The following OSBPL1A variants were observed in gnomAD, a reference collection of about 807,000 sequenced individuals.
The protein encoded by OSBPL1A is oxysterol-binding protein-related protein 1.
In OSBPL1A, 80 loss-of-function variants were observed where a neutral mutation model predicts 137.1. The ratio of observed to expected loss-of-function variants is 0.58; its 90% CI spans 0.49 to 0.70. The LOEUF (loss-of-function observed/expected upper bound fraction) is 0.70, where lower values mean the gene tolerates loss of function less well. Among genes scored for constraint, OSBPL1A ranks in the 30% least tolerant of loss-of-function variants. OSBPL1A has a pLI of 0.00. For synonymous variants in OSBPL1A, 365 were observed against 389.7 expected (o/e 0.94, Z 0.75); for missense variants, 970 against 1,129.4 (o/e 0.86, Z 2.02).
chr18:24,385,983 A>C (rs1027323318), intron 1 of OSBPL1A, among the ~76,000 whole-genome samples: 1 of 152,176 alleles, frequency 6.6e-6, no homozygotes, highest in African/African-American at 2.4e-5. Context: ...AAAGCACTGC[A>C]CCAAGGCTGG....
intron 14 of OSBPL1A, 39 bp downstream of exon 14, chr18:24,303,598 G>A (rs768575269): frequency 1.3e-6 from 2 of 1,531,240 alleles, no homozygotes; most frequent in East Asian, 2.3e-5. Context: ...GTATCTATGT[G>A]TTAAAGAGTG....
intron 1 of OSBPL1A, among the ~76,000 whole-genome samples, chr18:24,388,664 G>C (rs544080079): frequency 6.6e-6 from 1 of 151,980 alleles, no homozygotes; most frequent in East Asian, 1.9e-4. Context: ...GCCAGGCGTG[G>C]TGATGGGCAC....
chr18:24,275,672 C>T (rs1264867437), intron 15 of OSBPL1A, among the ~76,000 whole-genome samples: 2 of 151,962 alleles, frequency 1.3e-5, no homozygotes, highest in Non-Finnish European at 2.9e-5. Flanking sequence ...ACCCTTCAGA[C>T]GGTTCCAATG....
intron 14 of OSBPL1A, among the ~76,000 whole-genome samples, chr18:24,295,697 A>G (rs1705420759): frequency 6.6e-6 from 1 of 152,202 alleles, no homozygotes; most frequent in African/African-American, 2.4e-5. Flanking sequence ...TAAACTGAAT[A>G]GGCTGTCCTT....
intron 17 of OSBPL1A, among the ~76,000 whole-genome samples, chr18:24,204,036 T>C (rs1257151539): frequency 6.6e-6 from 1 of 152,252 alleles, no homozygotes. Context: ...GATGCCTTCA[T>C]TTTAATGGGG....
At chr18:24,183,586 C>A (rs748011270) in intron 18 of OSBPL1A, among the ~76,000 whole-genome samples, 2 of 151,710 alleles carry the variant, frequency 1.3e-5, no homozygotes, top group Non-Finnish European at 2.9e-5. Flanking sequence ...GCGTGCAGCA[C>A]CATGCCTGGC....
intron 18 of OSBPL1A, among the ~76,000 whole-genome samples, chr18:24,185,079 G>A (rs1458991132): frequency 6.6e-5 from 10 of 152,200 alleles, no homozygotes; most frequent in Non-Finnish European, 1.0e-4. Context: ...AAGTCGATAT[G>A]ATTCCAACTG....
chr18:24,253,160 G>T, intron 15 of OSBPL1A, among the ~76,000 whole-genome samples: 1 of 45,964 alleles, frequency 2.2e-5, no homozygotes, highest in East Asian at 1.0e-3. Flanking sequence ...CCAATGAAAA[G>T]ACATGGCGGG....
At chr18:24,315,780 A>AT (rs2090715857) in intron 11 of OSBPL1A, among the ~76,000 whole-genome samples, 1 of 114,794 alleles carries the variant, frequency 8.7e-6, no homozygotes, top group Non-Finnish European at 1.6e-5. Flanking sequence ...ATATAATAAA[A>AT]AATATAATAT....
intron 13 of OSBPL1A, among the ~76,000 whole-genome samples, chr18:24,308,072 T>C (rs1248324062): frequency 6.6e-6 from 1 of 151,954 alleles, no homozygotes; most frequent in Non-Finnish European, 1.5e-5. Flanking sequence ...AAAAGCTTTA[T>C]CTTATTTTCT....
intron 1 of OSBPL1A, among the ~76,000 whole-genome samples, chr18:24,391,802 A>C (rs538409498): frequency 1.3e-5 from 2 of 152,322 alleles, no homozygotes; most frequent in South Asian, 4.1e-4. Flanking sequence ...ACATTTTATC[A>C]CACACAAAAA....
At chr18:24,309,128 T>C (rs2090566051) in intron 13 of OSBPL1A, among the ~76,000 whole-genome samples, 1 of 152,190 alleles carries the variant, frequency 6.6e-6, no homozygotes, top group Non-Finnish European at 1.5e-5. Context: ...CATGTGTAAA[T>C]AGCCACAGGA....
intron 15 of OSBPL1A, among the ~76,000 whole-genome samples, chr18:24,269,007 T>C (rs1231303358): frequency 2.0e-5 from 3 of 152,212 alleles, no homozygotes; most frequent in Admixed American, 6.5e-5. Flanking sequence ...GTGTCACCTA[T>C]GGCTCCACCT....
intron 14 of OSBPL1A, among the ~76,000 whole-genome samples, chr18:24,288,928 C>T (rs1234220854): frequency 6.6e-6 from 1 of 152,148 alleles, no homozygotes; most frequent in Non-Finnish European, 1.5e-5. Context: ...AGCCTGAACA[C>T]ACCCAATCTC....
At chr18:24,342,934 A>G (rs2091294826) in intron 4 of OSBPL1A, among the ~76,000 whole-genome samples, 1 of 152,152 alleles carries the variant, frequency 6.6e-6, no homozygotes, top group Admixed American at 6.6e-5. Context: ...TAATATTTTA[A>G]TAAAGTGAAT....
chr18:24,197,729 T>C (rs1012353944), intron 17 of OSBPL1A, among the ~76,000 whole-genome samples: 24 of 152,016 alleles, frequency 1.6e-4, no homozygotes, highest in Admixed American at 1.6e-3. Flanking sequence ...GCATGTATAA[T>C]ATAGTTTTAG....
At chr18:24,354,713 T>A (rs2091500700) in intron 4 of OSBPL1A, among the ~76,000 whole-genome samples, 1 of 116,622 alleles carries the variant, frequency 8.6e-6, no homozygotes, top group Admixed American at 1.2e-4. Context: ...TATAATGACA[T>A]CAGTGTAGTA....
intron 18 of OSBPL1A, among the ~76,000 whole-genome samples, chr18:24,193,975 T>G (rs945256925): frequency 6.6e-6 from 1 of 152,212 alleles, no homozygotes; most frequent in South Asian, 2.1e-4. Flanking sequence ...CAATCCAACA[T>G]AACATCATCT....
rs137869528 is a variant in OSBPL1A at position 24,227,586 on chromosome 18, T to C, written c.1445-2388A>G. ...TGTGGAAAGAGATCAGTTAGTTTTC[T>C]GGAGTAGGCACAGGGTTGTCAGGAA... On this transcript the variant is annotated intron_variant, in intron 16 of 27. Transcript: ENST00000319481. Among the ~76,000 whole-genome samples, 489 of 152,312 alleles carry C rather than the reference T, an allele frequency of 3.2e-3. 1 individual carries two copies. The highest frequency in any genetic ancestry group is 0.012 in the African/African-American group (479 of 41,578).
Sources: gnomAD v4.1 joint callset for allele counts (sites outside exome capture counted in the v4.1 genomes callset) on GRCh38, gnomAD v4.1.1 for gene constraint, MANE v1.5 for transcripts, NCBI Gene and HGNC (gene_info 2026-07-23, HGNC 2026-07-21) for gene names.